The following SULT1B1 variants were observed in gnomAD, a reference collection of about 807,000 sequenced individuals.
SULT1B1 encodes the protein sulfotransferase family 1B member 1, also known as sulfotransferase 1B1.
A neutral mutation model predicts 34.6 loss-of-function variants in SULT1B1; 28 were observed. That is an observed-to-expected ratio of 0.81 (90% CI 0.60 to 1.11). The LOEUF is 1.11. Among genes scored for constraint, SULT1B1 ranks in the 50% least tolerant of loss-of-function variants. SULT1B1 has a pLI of 0.00. For missense variants in SULT1B1, 374 were observed against 352.2 expected (o/e 1.06, Z -0.50); for synonymous variants, 147 against 110.2 (o/e 1.33, Z -2.09).
chr4:69,739,291 C>T (rs964642751), intron 4 of SULT1B1, among the ~76,000 whole-genome samples: 23 of 152,200 alleles, frequency 1.5e-4, no homozygotes, highest in East Asian at 1.9e-4. Flanking sequence ...ATGAGAGCTC[C>T]GCCCATGAAG....
At chr4:69,759,359 A>G (rs925433758) in intron 1 of SULT1B1, among the ~76,000 whole-genome samples, 4 of 152,236 alleles carry the variant, frequency 2.6e-5, no homozygotes, top group Admixed American at 2.6e-4. Context: ...TCTCATTCAA[A>G]CAAGAGTATT....
intron 7 of SULT1B1, among the ~76,000 whole-genome samples, chr4:69,728,257 C>T (rs530634514): frequency 3.3e-5 from 5 of 151,978 alleles, no homozygotes; most frequent in South Asian, 2.1e-4. Context: ...TTATAATATA[C>T]GCAAACACAT....
Position 69,754,666 on chromosome 4 carries a change from T to G in SULT1B1, c.277+4A>C, listed in dbSNP as rs372569510. The G allele has an allele frequency of 1.9e-4, 304 of 1,611,890 alleles. No homozygotes were observed. The highest frequency in any genetic ancestry group is 2.4e-4 in the Non-Finnish European group (283 of 1,179,006). ...AATAATAATTCCAAGTGGGTTAAAT[T>G]TACCTGATGTTCTTAATCCAGGGAG... is the stretch of plus-strand genomic sequence containing the variant. On this transcript the variant is annotated splice_donor_region_variant and intron_variant, in intron 3 of 7. Transcript: ENST00000310613.
intron 7 of SULT1B1, among the ~76,000 whole-genome samples, chr4:69,728,574 A>G (rs1259326817): frequency 1.3e-5 from 2 of 151,918 alleles, no homozygotes; most frequent in East Asian, 3.9e-4. Flanking sequence ...GTTATTCATG[A>G]AGAAGTTTTT....
chr4:69,759,322 C>T (rs1025039205), intron 1 of SULT1B1, among the ~76,000 whole-genome samples: 10 of 152,154 alleles, frequency 6.6e-5, no homozygotes, highest in African/African-American at 2.4e-4. Context: ...GTAGGCCCAA[C>T]CCAGAGTCAA....
At position 69,734,045 on chromosome 4, in the gene SULT1B1, G is replaced by T. The variant is rs1718192570; in HGVS notation, c.502+93C>A. ...TTTGAACATACTTTTCACTAGATTG[G>T]AAAAATAAGTATTTTGAAAGTCATA... On this transcript the variant is annotated intron_variant, in intron 5 of 7. Coordinates refer to ENST00000310613, the MANE Select transcript of SULT1B1 (RefSeq NM_014465.4). 3.6e-6 allele frequency: 4 copies of T among 1,099,360 alleles called. No individual in the cohort carries two copies. The South Asian group carries it at 6.9e-5, about 19-fold the overall frequency. 68.1% of individuals were successfully genotyped at this position (1,099,360 alleles called of 1,614,324 possible).
Position 69,749,773 on chromosome 4 carries a change from GT to G in SULT1B1, c.322del (p.Thr108HisfsTer19). The G allele has an allele frequency of 8.7e-6, 14 of 1,613,682 alleles. No individual in the cohort carries two copies. Among genetic ancestry groups the G allele is most frequent in the Non-Finnish European group, 1.2e-5 (14 of 1,179,676 alleles). ...EKNPSPRIVK[T>X]HLPTDLLPKS... is the part of the protein sequence containing the mutation. ...AGGAAGAAGATCAGTCGGTAGATGT[GT>G]TTTCACAATCCGGGGTGATGGATTC... On this transcript the variant is annotated frameshift_variant, in exon 4 of 8. Transcript: ENST00000310613. LOFTEE classifies it high-confidence loss of function.
In SULT1B1 at chr4:69,755,198, A is replaced by G. The variant is rs1359121417; in HGVS notation, c.20T>C (p.Ile7Thr). MLSPKD[I>T]LRKDLKLVHG... ...GACCAACTTCAGATCTTTTCGCAGAATATCTTTTGGGGAAAGCATTTTAAT... is the reference window on the plus strand; with the variant it reads ...GACCAACTTCAGATCTTTTCGCAGAGTATCTTTTGGGGAAAGCATTTTAAT... The change falls in exon 2 of 8, where the codon ATT (isoleucine) becomes ACT (threonine). Residue 7 changes from isoleucine to threonine, a missense_variant. By Grantham distance (89) the Ile-to-Thr change is moderately conservative (BLOSUM62 -1). Transcript: ENST00000310613. 6.2e-7 allele frequency: 1 copy of G among 1,613,734 alleles called. No homozygotes were observed. The highest frequency in any genetic ancestry group is 8.5e-7 in the Non-Finnish European group (1 of 1,179,642).
chr4:69,752,928 AT>A (rs561032019), intron 3 of SULT1B1, among the ~76,000 whole-genome samples: 1 of 151,614 alleles, frequency 6.6e-6, no homozygotes. Context: ...CTGTTAGCTC[AT>A]TTTTTTTCAG....
intron 1 of SULT1B1, chr4:69,758,207 A>T: frequency 4.1e-6 from 3 of 736,276 alleles, no homozygotes; most frequent in Non-Finnish European, 5.0e-6. Flanking sequence ...AGTTGAAAGA[A>T]AAGAAAGTAA....
At chr4:69,745,080 G>T (rs1718700689) in intron 4 of SULT1B1, among the ~76,000 whole-genome samples, 1 of 152,136 alleles carries the variant, frequency 6.6e-6, no homozygotes, top group Non-Finnish European at 1.5e-5. Context: ...CTATTATGCT[G>T]TGGCCCGAGA....
In SULT1B1 at chr4:69,754,185, G is replaced by T. The variant is rs187140578; in HGVS notation, c.277+485C>A. Reference sequence around the variant, plus strand: ...ATTTACTTTTTGACGTCACAATATTGCTGTAAGCTCCCTGTGATACAATAT... The same window carrying T: ...ATTTACTTTTTGACGTCACAATATTTCTGTAAGCTCCCTGTGATACAATAT... On this transcript the variant is annotated intron_variant, in intron 3 of 7. Transcript: ENST00000310613. 2.6e-5 allele frequency among the ~76,000 whole-genome samples: 4 copies of T among 152,178 alleles called. No individual in the cohort carries two copies. The East Asian group carries it at 7.7e-4, about 29-fold the overall frequency.
rs182498727 is a variant in SULT1B1 at position 69,739,163 on chromosome 4, G to T, written c.376-4899C>A. ...ACTCTCAGTGGATCCACTATTCTAGGGTCTGGGGGATGGTGGCCCTCTTCT... is the reference window on the plus strand; with the variant it reads ...ACTCTCAGTGGATCCACTATTCTAGTGTCTGGGGGATGGTGGCCCTCTTCT... On this transcript the variant is annotated intron_variant, in intron 4 of 7. Coordinates refer to ENST00000310613, the MANE Select transcript of SULT1B1 (RefSeq NM_014465.4). 1.9e-3 allele frequency among the ~76,000 whole-genome samples: 285 copies of T among 152,250 alleles called. 1 individual carries two copies. Among genetic ancestry groups the T allele is most frequent in the African/African-American group, 6.5e-3 (269 of 41,540 alleles).
Position 69,734,256 on chromosome 4 carries a change from A to G in SULT1B1, c.384T>C (p.Tyr128=), listed in dbSNP as rs763352121. ...AAACATCCTTGGCATTACGAGCCAG[A>G]TAAATCATCTGCAGTGGGGGGTGGG... ...SFWENNCKMI[Y]LARNAKDVSV... The change falls in exon 5 of 8, where the codon TAT becomes TAC. Residue 128 remains tyrosine (Y), a synonymous_variant. Coordinates refer to ENST00000310613, the MANE Select transcript of SULT1B1 (RefSeq NM_014465.4). 1 of 1,612,268 alleles carries G rather than the reference A, an allele frequency of 6.2e-7. No individual in the cohort carries two copies. Among genetic ancestry groups the G allele is most frequent in the South Asian group, 1.1e-5 (1 of 90,638 alleles).
chr4:69,747,143 C>T (rs930456041), intron 4 of SULT1B1, among the ~76,000 whole-genome samples: 7 of 152,116 alleles, frequency 4.6e-5, no homozygotes, highest in African/African-American at 9.7e-5. Flanking sequence ...AGTGCTTCAG[C>T]GGAGCATTGG....
chr4:69,741,269 A>G (rs1281986645), intron 4 of SULT1B1, among the ~76,000 whole-genome samples: 1 of 152,216 alleles, frequency 6.6e-6, no homozygotes, highest in African/African-American at 2.4e-5. Flanking sequence ...TACCAGTACC[A>G]TGCTGTGTTG....
intron 4 of SULT1B1, among the ~76,000 whole-genome samples, chr4:69,740,762 C>A (rs910877494): frequency 8.5e-5 from 13 of 152,084 alleles, no homozygotes; most frequent in African/African-American, 3.1e-4. Flanking sequence ...ATGTCTTTTG[C>A]CAGTTTTTAA....
chr4:69,748,558 AAAG>A (rs571108490), intron 4 of SULT1B1, among the ~76,000 whole-genome samples: 8 of 152,222 alleles, frequency 5.3e-5, no homozygotes, highest in Non-Finnish European at 1.2e-4. Context: ...ATCCACCTAC[AAAG>A]AAGAATATGC....
chr4:69,723,628 A>G lies in SULT1B1; in HGVS notation c.*3460T>C, dbSNP rs1036440317. ...GAACATTGATGCAAAAATCCTCAAT[A>G]AAATACTGGCAAACCGAATCCAGCA... On this transcript the variant is annotated 3_prime_UTR_variant, in exon 8 of 8. Transcript: ENST00000310613. The G allele has an allele frequency of 6.6e-6, 1 of 152,232 alleles. No individual in the cohort carries two copies. Among genetic ancestry groups the G allele is most frequent in the Admixed American group, 6.5e-5 (1 of 15,284 alleles). 9.4% of individuals were successfully genotyped at this position (152,232 alleles called of 1,614,324 possible).
Sources: allele counts gnomAD v4.1 joint callset (sites outside exome capture counted in the v4.1 genomes callset), GRCh38; gene constraint gnomAD v4.1.1; transcripts MANE v1.5; gene names NCBI Gene and HGNC (gene_info 2026-07-23, HGNC 2026-07-21).